Variants in UNC13C observed in about 807,000 individuals in gnomAD.
UNC13C encodes unc-13 homolog C.
In UNC13C, 174 loss-of-function variants were observed where a neutral mutation model predicts 245.4. The observed-to-expected ratio is 0.71, with a 90% CI of 0.63 to 0.80. The LOEUF is 0.80. Ranked by LOEUF, UNC13C falls within the 30% of genes least tolerant of loss-of-function variation. The pLI, the probability that UNC13C is intolerant of heterozygous loss-of-function variation, is 0.00. For synonymous variants in UNC13C, 992 were observed against 895.1 expected (o/e 1.11, Z -1.93); for missense variants, 2,829 against 2,602.9 (o/e 1.09, Z -1.89).
intron 17 of UNC13C, among the ~76,000 whole-genome samples, chr15:54,360,182 G>C (rs1033083621): frequency 6.6e-6 from 1 of 151,816 alleles, no homozygotes; most frequent in African/African-American, 2.4e-5. Flanking sequence ...ATATTATTTT[G>C]ATTTTTAAAA....
the UNC13C span, among the ~76,000 whole-genome samples, chr15:53,899,798 G>A: frequency 6.6e-6 from 1 of 152,070 alleles, no homozygotes; most frequent in Admixed American, 6.5e-5. Context: ...CCCGACCTCA[G>A]GTGATCTGCC....
At chr15:54,522,752 C>A (rs1322291210) in intron 24 of UNC13C, among the ~76,000 whole-genome samples, 1 of 152,132 alleles carries the variant, frequency 6.6e-6, no homozygotes, top group East Asian at 1.9e-4. Flanking sequence ...GACTCAAAAT[C>A]CTTAAATTTT....
chr15:54,188,940 A>G lies in UNC13C; in HGVS notation c.3071+45256A>G, dbSNP rs554347223. Among the ~76,000 whole-genome samples the G allele has an allele frequency of 3.3e-5, 5 of 152,306 alleles. No homozygotes were observed. In the South Asian group the frequency reaches 8.3e-4, roughly 25 times the overall value. On this transcript the variant is annotated intron_variant, in intron 4 of 32. Transcript: ENST00000260323. The stretch of plus-strand genomic sequence containing the variant: ...CATTGTTACCGTTTCCAAATTTTCT[A>G]GAAACAATGCGTATGCTTACATAAT...
intron 25 of UNC13C, among the ~76,000 whole-genome samples, chr15:54,532,164 C>T (rs1895778309): frequency 1.3e-5 from 2 of 152,248 alleles, no homozygotes; most frequent in Middle Eastern, 6.8e-3. Flanking sequence ...TCCTGATCCT[C>T]TCCCTCTTCC....
chr15:53,901,367 C>T, the UNC13C span, among the ~76,000 whole-genome samples: 1 of 151,766 alleles, frequency 6.6e-6, no homozygotes, highest in Admixed American at 6.6e-5. Context: ...CTACAGGTGC[C>T]TGACACCATG....
chr15:53,847,174 T>C, the UNC13C span, among the ~76,000 whole-genome samples: 1 of 152,216 alleles, frequency 6.6e-6, no homozygotes, highest in African/African-American at 2.4e-5. Flanking sequence ...TAATAACTTA[T>C]TAACTTTCTA....
At chr15:54,184,345 C>T (rs979745294) in intron 4 of UNC13C, among the ~76,000 whole-genome samples, 4 of 151,804 alleles carry the variant, frequency 2.6e-5, no homozygotes, top group Non-Finnish European at 5.9e-5. Flanking sequence ...TATACATGTG[C>T]CATGTTGGTG....
intron 4 of UNC13C, among the ~76,000 whole-genome samples, chr15:54,177,626 GTC>G (rs1189470081): frequency 6.6e-6 from 1 of 152,132 alleles, no homozygotes; most frequent in Non-Finnish European, 1.5e-5. Context: ...TCTTCTGTGA[GTC>G]TGTTTCCTGA....
At chr15:54,598,933 A>G (rs943797985) in intron 30 of UNC13C, among the ~76,000 whole-genome samples, 2 of 152,154 alleles carry the variant, frequency 1.3e-5, no homozygotes, top group East Asian at 1.9e-4. Flanking sequence ...TAACCTTGGC[A>G]TCTGATGCTC....
intron 18 of UNC13C, among the ~76,000 whole-genome samples, chr15:54,398,522 T>A (rs75073361): frequency 0.046 from 6,972 of 151,404 alleles, 189 homozygotes; most frequent in African/African-American, 0.082. Context: ...TTTATAAAAT[T>A]TGACATTTTC....
chr15:54,233,630 G>A (rs983024435), intron 4 of UNC13C, among the ~76,000 whole-genome samples: 5 of 152,120 alleles, frequency 3.3e-5, no homozygotes, highest in Non-Finnish European at 5.9e-5. Flanking sequence ...AGTAGTAGTG[G>A]ATAACTGAAG....
At chr15:54,525,289 A>G (rs1034968449) in intron 24 of UNC13C, among the ~76,000 whole-genome samples, 3 of 152,112 alleles carry the variant, frequency 2.0e-5, no homozygotes, top group African/African-American at 7.2e-5. Flanking sequence ...GCTATAACCA[A>G]CAAAGGCTTT....
chr15:54,397,617 A>G (rs1324889093), intron 18 of UNC13C, among the ~76,000 whole-genome samples: 1 of 151,416 alleles, frequency 6.6e-6, no homozygotes, highest in East Asian at 1.9e-4. Context: ...TCTATTGGGG[A>G]GGAAAGAAAA....
At chr15:54,305,912 C>T (rs897762095) in intron 13 of UNC13C, among the ~76,000 whole-genome samples, 9 of 152,060 alleles carry the variant, frequency 5.9e-5, no homozygotes, top group South Asian at 4.2e-4. Flanking sequence ...GCCAAATCCC[C>T]GGGTAATTTC....
At chr15:54,038,256 G>T (rs1896674460) in intron 2 of UNC13C, among the ~76,000 whole-genome samples, 1 of 150,444 alleles carries the variant, frequency 6.6e-6, no homozygotes, top group Non-Finnish European at 1.5e-5. Flanking sequence ...CTGAGTAGCT[G>T]CAGTAGCTGG....
At chr15:54,266,859 C>A (rs1161135192) in intron 10 of UNC13C, among the ~76,000 whole-genome samples, 1 of 151,998 alleles carries the variant, frequency 6.6e-6, no homozygotes, top group Non-Finnish European at 1.5e-5. Flanking sequence ...CTATAGGATA[C>A]TTTTCATTTT....
intron 30 of UNC13C, among the ~76,000 whole-genome samples, chr15:54,602,076 T>C (rs1394457897): frequency 1.7e-5 from 2 of 117,846 alleles, no homozygotes; most frequent in African/African-American, 5.2e-5. Context: ...TGGCATAGAC[T>C]GAACAGGCAA....
chr15:53,898,379 T>C, the UNC13C span, among the ~76,000 whole-genome samples: 3 of 151,758 alleles, frequency 2.0e-5, no homozygotes, highest in Non-Finnish European at 1.5e-5. Flanking sequence ...TAACTGATTC[T>C]AAAAGTCTAT....
At chr15:54,281,824 T>G (rs940267105) in intron 10 of UNC13C, among the ~76,000 whole-genome samples, 5 of 152,228 alleles carry the variant, frequency 3.3e-5, no homozygotes, top group African/African-American at 7.2e-5. Flanking sequence ...AGTACAATAG[T>G]CAACAAGTGG....
Sources: gnomAD v4.1 joint callset for allele counts (sites outside exome capture counted in the v4.1 genomes callset) on GRCh38, gnomAD v4.1.1 for gene constraint, MANE v1.5 for transcripts, NCBI Gene and HGNC (gene_info 2026-07-23, HGNC 2026-07-21) for gene names.